ARHGEF6: variants seen among roughly 807,000 people sequenced by gnomAD.
ARHGEF6 encodes Rac/Cdc42 guanine nucleotide exchange factor 6, also known as rho guanine nucleotide exchange factor 6.
In ARHGEF6, 9 loss-of-function variants were observed where a neutral mutation model predicts 70.3. That is an observed-to-expected ratio of 0.13 (90% CI 0.08 to 0.22). The LOEUF (loss-of-function observed/expected upper bound fraction) is 0.22, where lower values mean the gene tolerates loss of function less well. Among genes scored for constraint, ARHGEF6 ranks in the 10% least tolerant of loss-of-function variants. The pLI is 1.00. For missense variants in ARHGEF6, 470 were observed against 563.0 expected (o/e 0.83, Z 1.67); for synonymous variants, 201 against 207.8 (o/e 0.97, Z 0.28).
chrX:136,728,542 G>A (rs985685847), intron 6 of ARHGEF6, among the ~76,000 whole-genome samples: 3 of 106,647 alleles, frequency 2.8e-5, no homozygotes, highest in Non-Finnish European at 5.8e-5. Flanking sequence ...TACAGGATGT[G>A]ATGATTAATT....
chrX:136,669,420 G>A (rs1286497969), intron 21 of ARHGEF6, 62 bp downstream of exon 21: 2 of 1,067,388 alleles, frequency 1.9e-6, no homozygotes, highest in Non-Finnish European at 2.6e-6. Context: ...AGCATGAGCA[G>A]CGTGAGGCAA....
At chrX:136,695,979 G>A (rs1161244838) in intron 9 of ARHGEF6, among the ~76,000 whole-genome samples, 2 of 111,664 alleles carry the variant, frequency 1.8e-5, no homozygotes, top group African/African-American at 6.5e-5. Context: ...CTGGTAGGTA[G>A]ATGTTTAAAG....
chrX:136,754,352 G>A (rs1361771676), intron 2 of ARHGEF6, among the ~76,000 whole-genome samples: 14 of 110,815 alleles, frequency 1.3e-4, no homozygotes, highest in Middle Eastern at 4.6e-3. Flanking sequence ...TTGGGAGGCC[G>A]AGGTAGGTGG....
intron 5 of ARHGEF6, among the ~76,000 whole-genome samples, chrX:136,735,415 A>G (rs774329442): frequency 9.0e-6 from 1 of 110,579 alleles, no homozygotes; most frequent in South Asian, 3.9e-4. Context: ...ACTCAGCAAC[A>G]TGCAGAGAAG....
At chrX:136,677,463 A>T (rs2076291942) in intron 17 of ARHGEF6, among the ~76,000 whole-genome samples, 1 of 112,081 alleles carries the variant, frequency 8.9e-6, no homozygotes, top group Non-Finnish European at 1.9e-5. Flanking sequence ...TTAATCCTTA[A>T]TCCAATAATC....
chrX:136,677,225 G>C (rs1256912115), intron 17 of ARHGEF6, among the ~76,000 whole-genome samples: 1 of 112,337 alleles, frequency 8.9e-6, no homozygotes, highest in African/African-American at 3.2e-5. Context: ...TTGTGAGACA[G>C]AAAAATTAAG....
intron 5 of ARHGEF6, among the ~76,000 whole-genome samples, chrX:136,733,038 C>T (rs1182998765): frequency 1.8e-5 from 2 of 110,367 alleles, no homozygotes; most frequent in Non-Finnish European, 3.8e-5. Flanking sequence ...TATTCCACTG[C>T]GTTGTAAAAT....
intron 2 of ARHGEF6, among the ~76,000 whole-genome samples, chrX:136,749,747 C>A (rs1056822360): frequency 3.6e-5 from 4 of 111,748 alleles, no homozygotes; most frequent in African/African-American, 1.3e-4. Context: ...TCCATGGACA[C>A]TGTTCTTGCT....
intron 9 of ARHGEF6, among the ~76,000 whole-genome samples, chrX:136,700,335 G>A (rs1055638252): frequency 9.0e-6 from 1 of 110,966 alleles, no homozygotes; most frequent in Non-Finnish European, 1.9e-5. Flanking sequence ...GACCAGCCTG[G>A]CCAACTTCAT....
chrX:136,729,297 G>A (rs1458817593), intron 6 of ARHGEF6, among the ~76,000 whole-genome samples: 5 of 104,026 alleles, frequency 4.8e-5, no homozygotes, highest in African/African-American at 1.1e-4. Context: ...GTGAAACCCC[G>A]TCTCTACTAA....
chrX:136,726,576 G>A (rs1214116017), intron 6 of ARHGEF6, among the ~76,000 whole-genome samples: 1 of 111,791 alleles, frequency 8.9e-6, no homozygotes, highest in Non-Finnish European at 1.9e-5. Flanking sequence ...AGCAGAAGGC[G>A]GGAAGCTACA....
At chrX:136,675,352 G>A (rs1363563658) in intron 18 of ARHGEF6, among the ~76,000 whole-genome samples, 2 of 108,790 alleles carry the variant, frequency 1.8e-5, no homozygotes, top group African/African-American at 6.7e-5. Flanking sequence ...GACCGGGGTG[G>A]GGGGGGCGGT....
In ARHGEF6 at chrX:136,736,618, G is replaced by GATGTGTGTATGTGTGTGTGTGTGTGTGT. The variant is rs58741198; in HGVS notation, c.662-4447_662-4446insACACACACACACACACACATACACACAT. ...CAGCCACAAGCTCATGTTAAAAAGA[G>GATGTGTGTATGTGTGTGTGTGTGTGTGT]GTGTGTGTGTGTGTGTGTGTGTGTG... On this transcript the variant is annotated intron_variant, in intron 5 of 21. Coordinates refer to ENST00000250617, the MANE Select transcript of ARHGEF6 (RefSeq NM_004840.3). Among the ~76,000 whole-genome samples, 138 of 103,733 alleles carry GATGTGTGTATGTGTGTGTGTGTGTGTGT rather than the reference G, an allele frequency of 1.3e-3. 1 individual carries two copies. Among genetic ancestry groups the GATGTGTGTATGTGTGTGTGTGTGTGTGT allele is most frequent in the African/African-American group, 4.6e-3 (131 of 28,426 alleles). 90.1% of individuals were successfully genotyped at this position (103,733 alleles called of 115,157 possible).
chrX:136,709,807 A>G (rs1159330828), intron 7 of ARHGEF6, among the ~76,000 whole-genome samples: 1 of 111,876 alleles, frequency 8.9e-6, no homozygotes, highest in East Asian at 2.8e-4. Flanking sequence ...TGTACTAAAA[A>G]TACAAAGAAT....
intron 5 of ARHGEF6, among the ~76,000 whole-genome samples, chrX:136,742,263 A>G (rs5975786): frequency 0.012 from 1,343 of 111,456 alleles, 21 homozygotes; most frequent in African/African-American, 0.042. Flanking sequence ...AGTGTGCAGC[A>G]AGCCGAGATT....
intron 2 of ARHGEF6, among the ~76,000 whole-genome samples, chrX:136,766,539 C>G (rs767910638): frequency 1.8e-5 from 2 of 111,803 alleles, no homozygotes; most frequent in East Asian, 5.6e-4. Context: ...AAAACAATAA[C>G]AAATCAAAAA....
intron 2 of ARHGEF6, among the ~76,000 whole-genome samples, chrX:136,756,670 T>C (rs998683978): frequency 1.4e-4 from 16 of 112,001 alleles, no homozygotes; most frequent in African/African-American, 5.2e-4. Flanking sequence ...TCCTAACACC[T>C]GCTAAACTTG....
intron 2 of ARHGEF6, among the ~76,000 whole-genome samples, chrX:136,763,870 T>C (rs139890432): frequency 0.028 from 3,079 of 111,241 alleles, 45 homozygotes; most frequent in Non-Finnish European, 0.046. Flanking sequence ...CTCCAGTTCC[T>C]ACCTTTGAAA....
chrX:136,692,758 T>G (rs2076471834), intron 9 of ARHGEF6, among the ~76,000 whole-genome samples: 1 of 111,914 alleles, frequency 8.9e-6, no homozygotes, highest in Non-Finnish European at 1.9e-5. Flanking sequence ...AAGCCTCAGG[T>G]CTTTTTAGGA....
Sources: allele counts gnomAD v4.1 joint callset (sites outside exome capture counted in the v4.1 genomes callset), GRCh38; gene constraint gnomAD v4.1.1; transcripts MANE v1.5; gene names NCBI Gene and HGNC (gene_info 2026-07-23, HGNC 2026-07-21).